The following IQCF3 variants were observed in gnomAD, a reference collection of about 807,000 sequenced individuals.
The protein encoded by IQCF3 is IQ domain-containing protein F3.
A neutral mutation model predicts 5.1 loss-of-function variants in IQCF3; 7 were observed. The ratio of observed to expected loss-of-function variants is 1.36; its 90% CI spans 0.78 to 2.56. IQCF3 has a LOEUF of 2.56. IQCF3 is among the 30% of genes most tolerant of loss of function. IQCF3 has a pLI of 0.00. For missense variants in IQCF3, 189 were observed against 196.5 expected (o/e 0.96, Z 0.23); for synonymous variants, 82 against 72.8 (o/e 1.13, Z -0.64).
chr3:51,829,847 GAGT>G, intron 2 of IQCF3, 135 bp downstream of exon 2: 1 of 859,012 alleles, frequency 1.2e-6, no homozygotes, highest in Non-Finnish European at 1.9e-6. Flanking sequence ...TTGGTGAACT[GAGT>G]AAGGTATGGA....
rs749063232 is a variant in IQCF3 at position 51,830,503 on chromosome 3, C to T, written c.167C>T (p.Ala56Val). ...CTGGTGCGCAGGACCCTGCTGGTTG[C>T]TGCCCTCAGGGCCTGGATGATTCAG... The part of the protein sequence containing the change: ...GVLVRRTLLV[A>V]ALRAWMIQCW... Residue 56 changes from alanine (A) to valine (V), a missense_variant, in exon 3 of 3, where the codon GCT becomes GTT. Ala to Val is a moderately conservative substitution (Grantham distance 64). Transcript: ENST00000440739. This position sits in a 1 kb window ranked among gnomAD's most constrained non-coding sequence, Gnocchi z 4.1. 3.1e-6 allele frequency: 5 copies of T among 1,613,930 alleles called. No homozygotes were observed. The highest frequency in any genetic ancestry group is 3.4e-6 in the Non-Finnish European group (4 of 1,179,844).
rs769116678 is a variant in IQCF3, at chr3:51,830,653, GGCAATGTTACC to G, written c.320_330del (p.Gln107ProfsTer21). On this transcript the variant is annotated frameshift_variant, in exon 3 of 3. Transcript: ENST00000440739. LOFTEE classifies it low-confidence loss of function (END_TRUNC). The surrounding 1 kb of genome is among the most constrained non-coding windows in gnomAD (Gnocchi z 4.1). Reference sequence around the variant, plus strand: ...TCCTGCATCCGCATGTGGCAGTGCCGGCAATGTTACCGCCAAATGTGCAATGCTCTCTGCTT... The same window carrying G: ...TCCTGCATCCGCATGTGGCAGTGCCGGCCAAATGTGCAATGCTCTCTGCTT... 1 of 1,614,008 alleles carries G rather than the reference GGCAATGTTACC, an allele frequency of 6.2e-7. No individual in the cohort carries two copies. The highest frequency in any genetic ancestry group is 8.5e-7 in the Non-Finnish European group (1 of 1,179,886).
At chr3:51,829,410 T>C, upstream of IQCF3, 1 of 1,556,326 alleles carries the variant, frequency 6.4e-7, no homozygotes. Context: ...CCACCTTTCC[T>C]GCCCCTGCCA....
rs1005925442 is a variant in IQCF3 at position 51,830,173 on chromosome 3, T to C, written c.67-230T>C. 1.3e-5 allele frequency among the ~76,000 whole-genome samples: 2 copies of C among 152,194 alleles called. No individual in the cohort carries two copies. Among genetic ancestry groups the C allele is most frequent in the Admixed American group, 1.3e-4 (2 of 15,278 alleles). ...CTTCTGGACCAGAAAGTGTCTCCGC[T>C]AGTCCCATAAACCCGAGAAGTCCAC... On this transcript the variant is annotated intron_variant, in intron 2 of 2. Coordinates refer to ENST00000440739, the MANE Select transcript of IQCF3 (RefSeq NM_001393887.1). The surrounding 1 kb of genome is among the most constrained non-coding windows in gnomAD (Gnocchi z 4.1).
At position 51,830,549 on chromosome 3, in the gene IQCF3, G is replaced by A. The variant is rs1279802718; in HGVS notation, c.213G>A (p.Val71=). The change falls in exon 3 of 3, where the codon GTG becomes GTA. Residue 71 remains valine, a synonymous_variant. Transcript: ENST00000440739. This position sits in a 1 kb window ranked among gnomAD's most constrained non-coding sequence, Gnocchi z 4.1. Reference sequence around the variant, plus strand: ...TTCAGTGCTGGTGGAGGACGTTGGTGCAGAGACGGATCCGTCAGCGGCGGC... The same window carrying A: ...TTCAGTGCTGGTGGAGGACGTTGGTACAGAGACGGATCCGTCAGCGGCGGC... The part of the protein sequence containing the change: ...WMIQCWWRTL[V]QRRIRQRRQA... The A allele has an allele frequency of 6.2e-7, 1 of 1,614,000 alleles. No individual in the cohort carries two copies. The highest frequency in any genetic ancestry group is 1.7e-5 in the Admixed American group (1 of 60,030).
Position 51,830,341 on chromosome 3 carries a change from A to G in IQCF3, c.67-62A>G, listed in dbSNP as rs1006487830. ...CCAGCAGGGAGAGGGCTGATTCTTTAGAGAACCACCTGTGCTTGATGGTGA... is the reference window on the plus strand; with the variant it reads ...CCAGCAGGGAGAGGGCTGATTCTTTGGAGAACCACCTGTGCTTGATGGTGA... On this transcript the variant is annotated intron_variant, in intron 2 of 2. Coordinates refer to ENST00000440739, the MANE Select transcript of IQCF3 (RefSeq NM_001393887.1). The surrounding 1 kb of genome is among the most constrained non-coding windows in gnomAD (Gnocchi z 4.1). The G allele has an allele frequency of 3.3e-5, 49 of 1,506,398 alleles. No individual in the cohort carries two copies. The African/African-American group carries it at 6.0e-4, about 19-fold the overall frequency. The allele number at this position is 1,506,398 out of a possible 1,614,324, so 93.3% of individuals were successfully genotyped here.
chr3:51,828,203 A>G (rs1272637255), upstream of IQCF3: 1 of 151,930 alleles, frequency 6.6e-6, no homozygotes, highest in Non-Finnish European at 1.5e-5. Context: ...GACTTCCAAT[A>G]CCATGTTGAA....
Position 51,830,283 on chromosome 3 carries a change from C to A in IQCF3, c.67-120C>A. 1.7e-6 allele frequency: 2 copies of A among 1,148,544 alleles called. No individual in the cohort carries two copies. Among genetic ancestry groups the A allele is most frequent in the Non-Finnish European group, 2.4e-6 (2 of 816,616 alleles). The allele number at this position is 1,148,544 out of a possible 1,614,324, so 71.1% of individuals were successfully genotyped here. A position where few individuals can be genotyped will look rare whatever the true frequency, so the allele number is the denominator to read the frequency against. ...CCATGAACAGGACAGAAGTAGAGGA[C>A]AAACCCCACCCAGGTCTCCTGGGTC... On this transcript the variant is annotated intron_variant, in intron 2 of 2. Transcript: ENST00000440739. The surrounding 1 kb of genome is among the most constrained non-coding windows in gnomAD (Gnocchi z 4.1).
chr3:51,829,391 T>C, upstream of IQCF3: 1 of 1,498,412 alleles, frequency 6.7e-7, no homozygotes, highest in Non-Finnish European at 9.1e-7. Flanking sequence ...ATCACGGCCA[T>C]CTCTTTCTCC....
chr3:51,830,296 G>A lies in IQCF3; in HGVS notation c.67-107G>A. Reference sequence around the variant, plus strand: ...AGAAGTAGAGGACAAACCCCACCCAGGTCTCCTGGGTCCTCAAAACCAGCA... The same window carrying A: ...AGAAGTAGAGGACAAACCCCACCCAAGTCTCCTGGGTCCTCAAAACCAGCA... On this transcript the variant is annotated intron_variant, in intron 2 of 2. Coordinates refer to ENST00000440739, the MANE Select transcript of IQCF3 (RefSeq NM_001393887.1). The surrounding 1 kb of genome is among the most constrained non-coding windows in gnomAD (Gnocchi z 4.1). 2.3e-6 allele frequency: 3 copies of A among 1,310,908 alleles called. No homozygotes were observed. Among genetic ancestry groups the A allele is most frequent in the East Asian group, 4.7e-5 (2 of 42,332 alleles). The allele number at this position is 1,310,908 out of a possible 1,614,324, so 81.2% of individuals were successfully genotyped here.
intron 2 of IQCF3, 87 bp downstream of exon 2, chr3:51,829,799 C>T: frequency 7.7e-7 from 1 of 1,304,676 alleles, no homozygotes; most frequent in Non-Finnish European, 1.1e-6. Flanking sequence ...ATCTCTGGCT[C>T]AGCATTGCCC....
chr3:51,827,761 A>G (rs140154340), upstream of IQCF3, among the ~76,000 whole-genome samples: 877 of 152,238 alleles, frequency 5.8e-3, 4 homozygotes, highest in African/African-American at 0.02. Flanking sequence ...TTCATCACCC[A>G]GGTACTAAAC....
chr3:51,828,759 T>C (rs571307167), upstream of IQCF3: 4 of 152,362 alleles, frequency 2.6e-5, no homozygotes, highest in South Asian at 8.3e-4. Context: ...TTTGTTCATC[T>C]GATAGAATTC....
chr3:51,829,361 G>A, upstream of IQCF3: 2 of 1,201,930 alleles, frequency 1.7e-6, no homozygotes, highest in Non-Finnish European at 2.4e-6. Flanking sequence ...GTGGCCCCTG[G>A]TCATAGTTGC....
rs778558372 is a variant in IQCF3, at chr3:51,830,179, C to T, written c.67-224C>T. Among the ~76,000 whole-genome samples, 2 of 152,128 alleles carry T rather than the reference C, an allele frequency of 1.3e-5. No individual in the cohort carries two copies. The highest frequency in any genetic ancestry group is 2.9e-5 in the Non-Finnish European group (2 of 68,022). ...GACCAGAAAGTGTCTCCGCTAGTCC[C>T]ATAAACCCGAGAAGTCCACAGATCA... On this transcript the variant is annotated intron_variant, in intron 2 of 2. Coordinates refer to ENST00000440739, the MANE Select transcript of IQCF3 (RefSeq NM_001393887.1). The surrounding 1 kb of genome is among the most constrained non-coding windows in gnomAD (Gnocchi z 4.1).
upstream of IQCF3, chr3:51,827,250 G>C (rs1369620739): frequency 1.3e-5 from 2 of 152,176 alleles, no homozygotes; most frequent in Non-Finnish European, 2.9e-5. Flanking sequence ...AGCCCTGAAT[G>C]CTTATTGAAC....
upstream of IQCF3, chr3:51,829,385 C>T (rs143215216): frequency 9.1e-5 from 132 of 1,451,434 alleles, no homozygotes; most frequent in East Asian, 2.3e-3. Flanking sequence ...TGTGACATCA[C>T]GGCCATCTCT....
upstream of IQCF3, chr3:51,829,204 C>T (rs1698329122): frequency 3.9e-6 from 2 of 510,802 alleles, no homozygotes; most frequent in Non-Finnish European, 7.1e-6. Flanking sequence ...GAAGGAAAGG[C>T]AACCATGAAA....
In IQCF3 at chr3:51,829,622, TG is replaced by T. The variant is rs758985211; in HGVS notation, c.19-41del. 27 of 1,610,090 alleles carry T rather than the reference TG, an allele frequency of 1.7e-5. 1 individual carries two copies. The East Asian group carries it at 5.8e-4, about 35-fold the overall frequency. On this transcript the variant is annotated intron_variant, in intron 1 of 2. Coordinates refer to ENST00000440739, the MANE Select transcript of IQCF3 (RefSeq NM_001393887.1). ...GCCTGTGGGGACTTTGCAGTCAGGC[TG>T]GTCCTCACCCATGCTCCCCCACACC...
Sources: gnomAD v4.1 joint callset for allele counts (sites outside exome capture counted in the v4.1 genomes callset) on GRCh38, gnomAD v4.1.1 for gene constraint, Gnocchi (gnomAD v3.1) non-coding constraint, MANE v1.5 for transcripts, NCBI Gene and HGNC (gene_info 2026-07-23, HGNC 2026-07-21) for gene names.